TSPAN9: variants seen among roughly 807,000 people sequenced by gnomAD.
TSPAN9 encodes the protein tetraspanin-9.
In TSPAN9, 16 loss-of-function variants were observed where a neutral mutation model predicts 31.0. That is an observed-to-expected ratio of 0.52 (90% CI 0.35 to 0.78). The LOEUF (loss-of-function observed/expected upper bound fraction) is 0.78, where lower values mean the gene tolerates loss of function less well. Among genes scored for constraint, TSPAN9 ranks in the 30% least tolerant of loss-of-function variants. TSPAN9 has a pLI of 0.01. For missense variants in TSPAN9, 272 were observed against 312.5 expected (o/e 0.87, Z 0.98); for synonymous variants, 145 against 121.6 (o/e 1.19, Z -1.27).
intron 1 of TSPAN9, among the ~76,000 whole-genome samples, chr12:3,083,134 A>C (rs1591618764): frequency 6.6e-6 from 1 of 152,202 alleles, no homozygotes; most frequent in African/African-American, 2.4e-5. Context: ...TTTTCCACCA[A>C]GTTTTTATTG....
Position 3,124,327 on chromosome 12 carries a change from C to A in TSPAN9, c.-18+40608C>A, listed in dbSNP as rs569400207. 5.9e-5 allele frequency among the ~76,000 whole-genome samples: 9 copies of A among 152,142 alleles called. No homozygotes were observed. In the South Asian group the frequency reaches 1.9e-3, roughly 32 times the overall value. On this transcript the variant is annotated intron_variant, in intron 2 of 8. Transcript: ENST00000011898. ...ATAATTCTGTTCTTTGGAGTTTATA[C>A]CAAAGTAGTTATATTTTTTCATTGC...
chr12:3,258,550 T>G (rs1312535487), intron 3 of TSPAN9, among the ~76,000 whole-genome samples: 1 of 152,186 alleles, frequency 6.6e-6, no homozygotes, highest in Non-Finnish European at 1.5e-5. Flanking sequence ...TGTTTTGAGC[T>G]GCTGCTTGGC....
chr12:3,201,880 G>A (rs1428842589), intron 3 of TSPAN9, among the ~76,000 whole-genome samples: 1 of 152,158 alleles, frequency 6.6e-6, no homozygotes, highest in East Asian at 1.9e-4. Flanking sequence ...AGGGGTGTGG[G>A]GGCATGCTGC....
At chr12:3,129,430 A>C (rs193291245) in intron 2 of TSPAN9, among the ~76,000 whole-genome samples, 18 of 152,332 alleles carry the variant, frequency 1.2e-4, no homozygotes, top group Non-Finnish European at 2.1e-4. Flanking sequence ...GCTAAGATTA[A>C]TAGTTCCTTC....
rs377576630 is a variant in TSPAN9, at chr12:3,147,457, C to T, written c.-17-53720C>T. ...AGTCCTGGTGGCATCTCCACCGACGCGACGGGAAGTGGCCTCTCCCTCCTT... is the reference window on the plus strand; with the variant it reads ...AGTCCTGGTGGCATCTCCACCGACGTGACGGGAAGTGGCCTCTCCCTCCTT... On this transcript the variant is annotated intron_variant, in intron 2 of 8. Coordinates refer to ENST00000011898, the MANE Select transcript of TSPAN9 (RefSeq NM_006675.5). This position sits in a 1 kb window ranked among gnomAD's most constrained non-coding sequence, Gnocchi z 4.3. Among the ~76,000 whole-genome samples the T allele has an allele frequency of 1.5e-4, 23 of 152,294 alleles. No individual in the cohort carries two copies. In the East Asian group the frequency reaches 3.3e-3, roughly 22 times the overall value.
intron 3 of TSPAN9, among the ~76,000 whole-genome samples, chr12:3,241,336 G>A (rs1260542588): frequency 6.6e-6 from 1 of 152,094 alleles, no homozygotes; most frequent in Non-Finnish European, 1.5e-5. Flanking sequence ...ACTGTGGCGT[G>A]GCATTTATAT....
At chr12:3,120,662 G>C (rs1219246184) in intron 2 of TSPAN9, among the ~76,000 whole-genome samples, 1 of 152,244 alleles carries the variant, frequency 6.6e-6, no homozygotes, top group Non-Finnish European at 1.5e-5. Context: ...AGGGCAGGAA[G>C]TTGAGCTTGG....
At chr12:3,198,159 G>C (rs1258812667) in intron 2 of TSPAN9, among the ~76,000 whole-genome samples, 3 of 57,212 alleles carry the variant, frequency 5.2e-5, no homozygotes, top group East Asian at 5.1e-4. Context: ...ACCAGCACAG[G>C]CCACCACCAG....
chr12:3,255,047 A>G (rs1862319946), intron 3 of TSPAN9, among the ~76,000 whole-genome samples: 1 of 152,126 alleles, frequency 6.6e-6, no homozygotes, highest in African/African-American at 2.4e-5. Context: ...CCACCCTGTG[A>G]GCTTCCTGCT....
At chr12:3,251,268 G>A (rs11835727) in intron 3 of TSPAN9, among the ~76,000 whole-genome samples, 17 of 152,144 alleles carry the variant, frequency 1.1e-4, no homozygotes, top group African/African-American at 3.6e-4. Context: ...GCTGTGTGCC[G>A]CAGGCTGTTC....
chr12:3,097,813 T>C (rs1264639032), intron 2 of TSPAN9, among the ~76,000 whole-genome samples: 1 of 152,236 alleles, frequency 6.6e-6, no homozygotes, highest in African/African-American at 2.4e-5. Flanking sequence ...TTCTCCCACA[T>C]CAGGCTAGGG....
chr12:3,184,686 G>A (rs1458896494), intron 2 of TSPAN9, among the ~76,000 whole-genome samples: 1 of 151,748 alleles, frequency 6.6e-6, no homozygotes, highest in Non-Finnish European at 1.5e-5. Flanking sequence ...CGGGAGCCCC[G>A]GGCATGTGTG....
In TSPAN9 at chr12:3,246,078, C is replaced by T. The variant is rs147825780; in HGVS notation, c.64-32343C>T. ...GTAGGCTGTACAGGAAGCATGGTGC[C>T]GGCATCTGCTTGGCTTCTGCTGAGG... On this transcript the variant is annotated intron_variant, in intron 3 of 8. Coordinates refer to ENST00000011898, the MANE Select transcript of TSPAN9 (RefSeq NM_006675.5). Among the ~76,000 whole-genome samples the T allele has an allele frequency of 2.6e-3, 399 of 151,668 alleles. 1 individual carries two copies. The highest frequency in any genetic ancestry group is 8.9e-3 in the African/African-American group (369 of 41,428).
chr12:3,138,314 G>A (rs192128144), intron 2 of TSPAN9, among the ~76,000 whole-genome samples: 121 of 152,204 alleles, frequency 7.9e-4, no homozygotes, highest in Non-Finnish European at 6.3e-4. Context: ...GAAGGAGAGC[G>A]AGCTCAGTCT....
chr12:3,254,876 T>A (rs545829287), intron 3 of TSPAN9, among the ~76,000 whole-genome samples: 1 of 152,342 alleles, frequency 6.6e-6, no homozygotes, highest in South Asian at 2.1e-4. Context: ...GACATTTCTG[T>A]CTACGGTTTG....
At chr12:3,258,469 C>T (rs1236138022) in intron 3 of TSPAN9, among the ~76,000 whole-genome samples, 2 of 152,182 alleles carry the variant, frequency 1.3e-5, no homozygotes, top group Admixed American at 1.3e-4. Context: ...GTGAATGTCT[C>T]TGGCCTGGGT....
At chr12:3,258,777 C>G (rs903323384) in intron 3 of TSPAN9, among the ~76,000 whole-genome samples, 1 of 152,184 alleles carries the variant, frequency 6.6e-6, no homozygotes, top group African/African-American at 2.4e-5. Flanking sequence ...CCAGACTTCC[C>G]TTGGTTACTT....
At chr12:3,088,984 G>A (rs2098302309) in intron 2 of TSPAN9, among the ~76,000 whole-genome samples, 1 of 152,000 alleles carries the variant, frequency 6.6e-6, no homozygotes, top group East Asian at 2.0e-4. Flanking sequence ...TGTAATCCCA[G>A]CACTTTGGGA....
intron 3 of TSPAN9, among the ~76,000 whole-genome samples, chr12:3,218,457 C>G (rs530201788): frequency 6.6e-6 from 1 of 152,362 alleles, no homozygotes; most frequent in Non-Finnish European, 1.5e-5. Flanking sequence ...AGTGGCCAGA[C>G]TAGCTAGGGA....
Sources: allele counts gnomAD v4.1 joint callset (sites outside exome capture counted in the v4.1 genomes callset), GRCh38; gene constraint gnomAD v4.1.1; non-coding constraint Gnocchi (gnomAD v3.1); transcripts MANE v1.5; gene names NCBI Gene and HGNC (gene_info 2026-07-23, HGNC 2026-07-21).